Variants in PCDHGB4 observed in about 807,000 individuals in gnomAD.
PCDHGB4 encodes protocadherin gamma subfamily B, 4.
Under a neutral mutation model 60.5 loss-of-function variants are expected in PCDHGB4, and 38 were observed. The observed-to-expected ratio is 0.63, with a 90% CI of 0.48 to 0.82. PCDHGB4 has a LOEUF of 0.82. PCDHGB4 is among the 40% of genes least tolerant of loss of function. The pLI is 0.00. For missense variants in PCDHGB4, 1,109 were observed against 1,209.6 expected (o/e 0.92, Z 1.23); for synonymous variants, 456 against 509.7 (o/e 0.89, Z 1.42).
intron 1 of PCDHGB4, among the ~76,000 whole-genome samples, chr5:141,455,045 C>G (rs1008259013): frequency 6.6e-6 from 1 of 151,798 alleles, no homozygotes; most frequent in Non-Finnish European, 1.5e-5. Context: ...ATCTCCTGAC[C>G]TCGTGATCCG....
chr5:141,480,712 A>G (rs559266864), intron 1 of PCDHGB4, among the ~76,000 whole-genome samples: 13 of 152,306 alleles, frequency 8.5e-5, no homozygotes, highest in African/African-American at 2.9e-4. Context: ...CCGACAAATG[A>G]AAGCACAGTC....
In PCDHGB4 at chr5:141,432,293, G is replaced by T. The variant is rs765631138; in HGVS notation, c.2397+42012G>T. ...CTACGTGTCCATCAACTCCGACACT[G>T]GGGTACTGTATGCGCTGAGCTCCTT... On this transcript the variant is annotated intron_variant, in intron 1 of 3. Coordinates refer to ENST00000519479, the MANE Select transcript of PCDHGB4 (RefSeq NM_003736.4). The surrounding 1 kb of genome is among the most constrained non-coding windows in gnomAD (Gnocchi z 6.0). 1.2e-6 allele frequency: 2 copies of T among 1,614,136 alleles called. No individual in the cohort carries two copies. Among genetic ancestry groups the T allele is most frequent in the African/African-American group, 1.3e-5 (1 of 74,950 alleles).
At chr5:141,465,186 G>T (rs2099098546) in intron 1 of PCDHGB4, among the ~76,000 whole-genome samples, 1 of 151,852 alleles carries the variant, frequency 6.6e-6, no homozygotes, top group African/African-American at 2.4e-5. Flanking sequence ...TTAATTAAAA[G>T]ATAAAAATAA....
At chr5:141,497,818 G>T (rs2099779657) in intron 2 of PCDHGB4, among the ~76,000 whole-genome samples, 1 of 152,194 alleles carries the variant, frequency 6.6e-6, no homozygotes, top group African/African-American at 2.4e-5. Context: ...AGAATTACAG[G>T]TGTGATCGCC....
At chr5:141,423,219 T>C (rs775170753) in intron 1 of PCDHGB4, 3 of 1,613,752 alleles carry the variant, frequency 1.9e-6, no homozygotes, top group Admixed American at 1.7e-5. Flanking sequence ...TCACCGTGGC[T>C]GTGGCCGACA....
intron 1 of PCDHGB4, among the ~76,000 whole-genome samples, chr5:141,397,514 A>G (rs537343615): frequency 1.3e-5 from 2 of 152,324 alleles, no homozygotes; most frequent in Non-Finnish European, 2.9e-5. Context: ...TTGTTTCCAT[A>G]GCTAATAAAA....
At chr5:141,436,324 G>A (rs972756085) in intron 1 of PCDHGB4, among the ~76,000 whole-genome samples, 10 of 152,134 alleles carry the variant, frequency 6.6e-5, no homozygotes, top group African/African-American at 2.4e-4. Flanking sequence ...AAGACTGTTA[G>A]ACCATATCTC....
intron 1 of PCDHGB4, chr5:141,441,674 CT>C: frequency 3.4e-6 from 1 of 293,692 alleles, no homozygotes; most frequent in Non-Finnish European, 6.7e-6. Flanking sequence ...CACAGTGCGC[CT>C]TCGACCAAGA....
chr5:141,490,942 C>G lies in PCDHGB4; in HGVS notation c.2398-3865C>G. 1 of 1,613,644 alleles carries G rather than the reference C, an allele frequency of 6.2e-7. No individual in the cohort carries two copies. Among genetic ancestry groups the G allele is most frequent in the Non-Finnish European group, 8.5e-7 (1 of 1,179,760 alleles). On this transcript the variant is annotated intron_variant, in intron 1 of 3. Transcript: ENST00000519479. This position sits in a 1 kb window ranked among gnomAD's most constrained non-coding sequence, Gnocchi z 5.4. ...TAATGCCCCAGCTGTGCTGCACCCA[C>G]GGCCAGACTGGGAACACTCAGCCCC...
At position 141,419,312 on chromosome 5, in the gene PCDHGB4, G is replaced by C. The variant is rs35892780; in HGVS notation, c.2397+29031G>C. On this transcript the variant is annotated intron_variant, in intron 1 of 3. Transcript: ENST00000519479. ...CTCTGACCCAGACTTCGGGCTCAAC[G>C]GCCGTGTCTCCTACTCTCTCATTGC... 1.0e-3 allele frequency: 1,689 copies of C among 1,613,962 alleles called. 4 individuals are homozygous for C. Among genetic ancestry groups the C allele is most frequent in the Middle Eastern group, 5.3e-3 (32 of 6,062 alleles).
intron 1 of PCDHGB4, chr5:141,394,379 T>G: frequency 6.2e-7 from 1 of 1,614,160 alleles, no homozygotes; most frequent in Non-Finnish European, 8.5e-7. Context: ...CTTTCGACTA[T>G]GAGCAGATCC....
chr5:141,405,529 C>G, intron 1 of PCDHGB4: 1 of 654,350 alleles, frequency 1.5e-6, no homozygotes, highest in Middle Eastern at 4.2e-4. Flanking sequence ...AAGCGATTCT[C>G]CTGCCTCAGC....
rs751047365 is a variant in PCDHGB4 at position 141,419,570 on chromosome 5, G to C, written c.2397+29289G>C. On this transcript the variant is annotated intron_variant, in intron 1 of 3. Transcript: ENST00000519479. ...GCTGTACCCTGCGCTGGGTCCCGAC[G>C]GCTCCGCGCTCTTCGACACAGTGCC... 5.6e-6 allele frequency: 9 copies of C among 1,611,766 alleles called. No individual in the cohort carries two copies. The South Asian group carries it at 8.8e-5, about 16-fold the overall frequency.
chr5:141,393,056 C>T, intron 1 of PCDHGB4: 2 of 1,613,606 alleles, frequency 1.2e-6, no homozygotes, highest in Non-Finnish European at 1.7e-6. Flanking sequence ...ACCCGCGCAG[C>T]GGCAGCTTGA....
At chr5:141,415,056 G>C in intron 1 of PCDHGB4, 2 of 1,613,416 alleles carry the variant, frequency 1.2e-6, no homozygotes, top group Non-Finnish European at 1.7e-6. Flanking sequence ...GGGAGCACAC[G>C]GGCGAGGTGC....
rs1276294939 is a variant in PCDHGB4, at chr5:141,389,172, C to G, written c.1288C>G (p.Leu430Val). The change falls in exon 1 of 4, where the codon CTC (leucine) becomes GTC (valine). Residue 430 changes from leucine (L) to valine (V), a missense_variant. Leu to Val is a conservative substitution (Grantham distance 32). Coordinates refer to ENST00000519479, the MANE Select transcript of PCDHGB4 (RefSeq NM_003736.4). ...VTATDRGKPP[L>V]SSSSSITLHI... ...GGCAACAGATCGGGGCAAGCCTCCC[C>G]TCTCCTCCAGTTCCAGCATCACCCT... 1 of 1,614,036 alleles carries G rather than the reference C, an allele frequency of 6.2e-7. No homozygotes were observed. Among genetic ancestry groups the G allele is most frequent in the Non-Finnish European group, 8.5e-7 (1 of 1,179,894 alleles).
chr5:141,452,848 G>A (rs1425590240), intron 1 of PCDHGB4, among the ~76,000 whole-genome samples: 9 of 152,128 alleles, frequency 5.9e-5, no homozygotes, highest in Non-Finnish European at 1.0e-4. Flanking sequence ...CCCACACTCT[G>A]GGGAGATGAT....
At position 141,487,128 on chromosome 5, in the gene PCDHGB4, G is replaced by A; in HGVS notation, c.2398-7679G>A. The A allele has an allele frequency of 6.2e-7, 1 of 1,614,086 alleles. No individual in the cohort carries two copies. ...GTCATTGTGGTAAAGGATAGTGGTA[G>A]TCCACCACTCTCTACCTCTGTTACT... is the stretch of plus-strand genomic sequence containing the variant. On this transcript the variant is annotated intron_variant, in intron 1 of 3. Transcript: ENST00000519479. This position sits in a 1 kb window ranked among gnomAD's most constrained non-coding sequence, Gnocchi z 5.0.
At position 141,432,172 on chromosome 5, in the gene PCDHGB4, C is replaced by A. The variant is rs562175068; in HGVS notation, c.2397+41891C>A. ...AGAACAATCCCAGAGGAGTTTCCCT[C>A]GTCTCTGTGACCGCCCACGACCCCG... On this transcript the variant is annotated intron_variant, in intron 1 of 3. Coordinates refer to ENST00000519479, the MANE Select transcript of PCDHGB4 (RefSeq NM_003736.4). This position sits in a 1 kb window ranked among gnomAD's most constrained non-coding sequence, Gnocchi z 6.0. 5 of 1,614,152 alleles carry A rather than the reference C, an allele frequency of 3.1e-6. No homozygotes were observed. The South Asian group carries it at 4.4e-5, about 14-fold the overall frequency.
Sources: allele counts gnomAD v4.1 joint callset (sites outside exome capture counted in the v4.1 genomes callset), GRCh38; gene constraint gnomAD v4.1.1; non-coding constraint Gnocchi (gnomAD v3.1); transcripts MANE v1.5; gene names NCBI Gene and HGNC (gene_info 2026-07-23, HGNC 2026-07-21).